KCNT2: variants seen among roughly 807,000 people sequenced by gnomAD.
KCNT2 encodes potassium sodium-activated channel subfamily T member 2, also known as potassium channel subfamily T member 2.
A neutral mutation model predicts 153.8 loss-of-function variants in KCNT2; 67 were observed. The ratio of observed to expected loss-of-function variants is 0.44; its 90% confidence interval spans 0.36 to 0.53. The LOEUF is 0.53. KCNT2 is among the 20% of genes least tolerant of loss of function. The pLI, the probability that KCNT2 is intolerant of heterozygous loss-of-function variation, is 0.00. For synonymous variants in KCNT2, 500 were observed against 458.8 expected (o/e 1.09, Z -1.15); for missense variants, 975 against 1,354.8 (o/e 0.72, Z 4.40).
At chr1:196,302,708 A>G (rs1322784815) in intron 22 of KCNT2, among the ~76,000 whole-genome samples, 3 of 152,032 alleles carry the variant, frequency 2.0e-5, no homozygotes, top group African/African-American at 7.3e-5. Flanking sequence ...CCACATCTGT[A>G]AGAGTTAGGA....
At chr1:196,365,868 T>C (rs1259144128) in intron 14 of KCNT2, among the ~76,000 whole-genome samples, 1 of 152,166 alleles carries the variant, frequency 6.6e-6, no homozygotes. Context: ...CTGACTGATA[T>C]AGATTAACAA....
chr1:196,313,952 A>C (rs1039774334), intron 21 of KCNT2, among the ~76,000 whole-genome samples: 1 of 151,672 alleles, frequency 6.6e-6, no homozygotes, highest in African/African-American at 2.4e-5. Flanking sequence ...TCATTCATCC[A>C]TCCATTCATT....
At chr1:196,249,133 G>A (rs1289277861) in intron 26 of KCNT2, among the ~76,000 whole-genome samples, 4 of 151,910 alleles carry the variant, frequency 2.6e-5, no homozygotes, top group East Asian at 3.9e-4. Context: ...TAAAAAAATT[G>A]GGTATAGGAG....
At chr1:196,273,816 T>C (rs770888605) in intron 25 of KCNT2, among the ~76,000 whole-genome samples, 3 of 151,688 alleles carry the variant, frequency 2.0e-5, no homozygotes, top group Non-Finnish European at 4.4e-5. Flanking sequence ...TTATTCACTA[T>C]AAAAGTAGCC....
intron 1 of KCNT2, among the ~76,000 whole-genome samples, chr1:196,519,716 A>G (rs1194942407): frequency 2.6e-5 from 4 of 152,274 alleles, no homozygotes; most frequent in South Asian, 4.2e-4. Flanking sequence ...ATTCCTGAAC[A>G]CATACACCCT....
At chr1:196,503,560 C>T (rs1680872378) in intron 1 of KCNT2, among the ~76,000 whole-genome samples, 1 of 151,924 alleles carries the variant, frequency 6.6e-6, no homozygotes, top group Non-Finnish European at 1.5e-5. Context: ...TGTAAAATCT[C>T]GAAGGAAAAT....
chr1:196,434,346 A>C (rs1416796780), intron 8 of KCNT2, among the ~76,000 whole-genome samples: 1 of 152,076 alleles, frequency 6.6e-6, no homozygotes, highest in Non-Finnish European at 1.5e-5. Context: ...CTTTTGCTTG[A>C]GTCTGCATTA....
At chr1:196,386,752 G>A (rs1159660693) in intron 13 of KCNT2, among the ~76,000 whole-genome samples, 2 of 152,034 alleles carry the variant, frequency 1.3e-5, no homozygotes, top group African/African-American at 2.4e-5. Flanking sequence ...GCGTTCTCAA[G>A]AAGGATTTAG....
chr1:196,498,977 A>G (rs1212185683), intron 1 of KCNT2, among the ~76,000 whole-genome samples: 2 of 152,218 alleles, frequency 1.3e-5, no homozygotes, highest in Non-Finnish European at 2.9e-5. Flanking sequence ...AATTAGTTAA[A>G]TTAATATGAG....
intron 25 of KCNT2, among the ~76,000 whole-genome samples, chr1:196,263,809 T>C (rs1657258553): frequency 6.6e-6 from 1 of 152,186 alleles, no homozygotes; most frequent in African/African-American, 2.4e-5. Flanking sequence ...GTTAATTATC[T>C]CTAAAAGATA....
At chr1:196,307,032 AAAC>A (rs1345321953) in intron 21 of KCNT2, among the ~76,000 whole-genome samples, 1 of 151,976 alleles carries the variant, frequency 6.6e-6, no homozygotes, top group Non-Finnish European at 1.5e-5. Context: ...AATATCAGGA[AAAC>A]AACAACCACG....
intron 1 of KCNT2, among the ~76,000 whole-genome samples, chr1:196,569,092 T>C (rs1660467545): frequency 6.6e-6 from 1 of 152,176 alleles, no homozygotes; most frequent in Non-Finnish European, 1.5e-5. Context: ...AATATCAATT[T>C]CTACTTTCTC....
At chr1:196,329,827 G>GTA (rs912020401) in intron 18 of KCNT2, among the ~76,000 whole-genome samples, 3 of 143,980 alleles carry the variant, frequency 2.1e-5, no homozygotes, top group African/African-American at 7.7e-5. Flanking sequence ...GTATATATAT[G>GTA]TATATATGTA....
intron 1 of KCNT2, among the ~76,000 whole-genome samples, chr1:196,578,029 G>T (rs895793455): frequency 2.0e-5 from 3 of 151,934 alleles, no homozygotes; most frequent in African/African-American, 7.3e-5. Flanking sequence ...AATGAAATCT[G>T]CACTGCTTTT....
chr1:196,362,169 T>A (rs917001229), intron 14 of KCNT2, among the ~76,000 whole-genome samples: 2 of 152,066 alleles, frequency 1.3e-5, no homozygotes, highest in Non-Finnish European at 2.9e-5. Context: ...ATAATCCCTA[T>A]TACTTTTGAG....
At chr1:196,282,388 T>A (rs1277819647) in intron 23 of KCNT2, 32 bp from the exon 24 acceptor site, 9 of 1,068,466 alleles carry the variant, frequency 8.4e-6, no homozygotes, top group Middle Eastern at 4.1e-4. Flanking sequence ...AATATATAAA[T>A]GTATATTTAT....
rs561019469 is a variant in KCNT2 at position 196,564,014 on chromosome 1, T to G, written c.95+44201A>C. Reference sequence around the variant, plus strand: ...GTACTGTAAGTTCTAGCCAAAGCAATTAGGCAAGAAAAAGAATTAAAGTCA... The same window carrying G: ...GTACTGTAAGTTCTAGCCAAAGCAAGTAGGCAAGAAAAAGAATTAAAGTCA... On this transcript the variant is annotated intron_variant, in intron 1 of 27. Coordinates refer to ENST00000294725, the MANE Select transcript of KCNT2 (RefSeq NM_198503.5). Among the ~76,000 whole-genome samples, 122 of 151,902 alleles carry G rather than the reference T, an allele frequency of 8.0e-4. 1 individual carries two copies. The highest frequency in any genetic ancestry group is 1.3e-3 in the Non-Finnish European group (89 of 67,878).
intron 1 of KCNT2, among the ~76,000 whole-genome samples, chr1:196,565,478 T>C (rs1659997505): frequency 6.6e-6 from 1 of 151,742 alleles, no homozygotes; most frequent in Non-Finnish European, 1.5e-5. Context: ...AAAAAATACC[T>C]GCACTACTAT....
intron 1 of KCNT2, among the ~76,000 whole-genome samples, chr1:196,561,678 G>GAAAAAAAAAAAAA (rs1659427672): frequency 6.6e-5 from 3 of 45,472 alleles, no homozygotes; most frequent in Non-Finnish European, 1.1e-4. Flanking sequence ...AAAAAAAAAA[G>GAAAAAAAAAAAAA]AAGAAGAAGA....
Sources: allele counts gnomAD v4.1 joint callset (sites outside exome capture counted in the v4.1 genomes callset), GRCh38; gene constraint gnomAD v4.1.1; transcripts MANE v1.5; gene names NCBI Gene and HGNC (gene_info 2026-07-23, HGNC 2026-07-21).